BEND6: variants seen among roughly 807,000 people sequenced by gnomAD.
BEND6 encodes BEN domain-containing protein 6.
A neutral mutation model predicts 31.8 loss-of-function variants in BEND6; 24 were observed. That is an observed-to-expected ratio of 0.75 (90% CI 0.55 to 1.06). The LOEUF is 1.06. Among genes scored for constraint, BEND6 ranks in the 50% least tolerant of loss-of-function variants. The probability of loss-of-function intolerance (pLI) is 0.00; values close to 1 mark genes in which losing one functional copy is unlikely to be tolerated. For missense variants in BEND6, 294 were observed against 327.4 expected, an observed-to-expected ratio of 0.90 and a Z score of 0.79; for synonymous variants, 109 against 114.6, an observed-to-expected ratio of 0.95 and a Z score of 0.31.
At chr6:57,013,540 TC>T (rs1173510498) in intron 3 of BEND6, among the ~76,000 whole-genome samples, 1 of 152,194 alleles carries the variant, frequency 6.6e-6, no homozygotes, top group Non-Finnish European at 1.5e-5. Context: ...GGTTGGTCTT[TC>T]TGGATTTCAA....
At chr6:56,975,828 C>T (rs1429848576) in intron 1 of BEND6, 3 of 532,030 alleles carry the variant, frequency 5.6e-6, no homozygotes, top group East Asian at 1.0e-4. Flanking sequence ...ACTCTGTAGG[C>T]CAAGAAAGCT....
At chr6:57,011,580 C>T (rs975533716) in intron 3 of BEND6, among the ~76,000 whole-genome samples, 1 of 151,008 alleles carries the variant, frequency 6.6e-6, no homozygotes, top group Non-Finnish European at 1.5e-5. Flanking sequence ...TAGCCGGGCA[C>T]AGTGGTGCAC....
In BEND6 at chr6:57,022,020, T is replaced by C. The variant is rs114067147; in HGVS notation, c.*9+3463T>C. ...GTTTGCTAGTATTTTGTTGAAGATT[T>C]TTGTATCTGGCTCATCAGTGATGCT... On this transcript the variant is annotated intron_variant, in intron 6 of 6. Transcript: ENST00000370746. Among the ~76,000 whole-genome samples the C allele has an allele frequency of 1.6e-3, 250 of 152,294 alleles. 1 individual carries two copies. Among genetic ancestry groups the C allele is most frequent in the Non-Finnish European group, 2.8e-3 (191 of 68,024 alleles).
chr6:57,010,161 A>G (rs942340944), intron 3 of BEND6: 21 of 152,344 alleles, frequency 1.4e-4, no homozygotes, highest in African/African-American at 4.8e-4. Context: ...TCTAACTACC[A>G]ATCTACATCA....
At chr6:56,995,904 C>T (rs1826691367) in intron 3 of BEND6, among the ~76,000 whole-genome samples, 1 of 152,150 alleles carries the variant, frequency 6.6e-6, no homozygotes, top group South Asian at 2.1e-4. Context: ...ATCTTAAGTG[C>T]CCTGTTACCA....
chr6:57,022,234 C>G (rs1310887903), intron 6 of BEND6, among the ~76,000 whole-genome samples: 1 of 127,590 alleles, frequency 7.8e-6, no homozygotes, highest in Non-Finnish European at 1.6e-5. Flanking sequence ...TTTGTAGATT[C>G]AGGGGTAAAG....
chr6:56,970,694 C>T (rs1329578938), intron 1 of BEND6, among the ~76,000 whole-genome samples: 1 of 152,038 alleles, frequency 6.6e-6, no homozygotes, highest in Non-Finnish European at 1.5e-5. Context: ...TGCTAATTGG[C>T]AGCTAATATA....
intron 2 of BEND6, among the ~76,000 whole-genome samples, chr6:56,984,795 A>C (rs886090808): frequency 6.6e-6 from 1 of 152,214 alleles, no homozygotes; most frequent in East Asian, 1.9e-4. Context: ...GCTTGAAGGA[A>C]ACACCCTGCA....
intron 6 of BEND6, among the ~76,000 whole-genome samples, chr6:57,018,875 C>G (rs1456414963): frequency 6.6e-6 from 1 of 152,116 alleles, no homozygotes; most frequent in African/African-American, 2.4e-5. Context: ...GAAATTTTTT[C>G]ACAGAATCCT....
intron 1 of BEND6, among the ~76,000 whole-genome samples, chr6:56,956,005 G>A (rs1592951534): frequency 6.6e-6 from 1 of 152,344 alleles, no homozygotes; most frequent in African/African-American, 2.4e-5. Context: ...TTCTGCGGAC[G>A]GCCACGGCCA....
chr6:56,972,707 C>T (rs1202644951), intron 1 of BEND6, among the ~76,000 whole-genome samples: 1 of 152,120 alleles, frequency 6.6e-6, no homozygotes, highest in Non-Finnish European at 1.5e-5. Context: ...AAACTGACAC[C>T]CCATTTTCCA....
At chr6:57,007,456 C>T (rs945999191) in intron 3 of BEND6, among the ~76,000 whole-genome samples, 2 of 152,068 alleles carry the variant, frequency 1.3e-5, no homozygotes, top group African/African-American at 4.8e-5. Flanking sequence ...GGGAAACACT[C>T]CAGGACATTG....
At chr6:57,008,900 A>G (rs1827254785) in intron 3 of BEND6, 1 of 152,240 alleles carries the variant, frequency 6.6e-6, no homozygotes, top group African/African-American at 2.4e-5. Flanking sequence ...CCAACAACAG[A>G]TGAATAGATA....
In BEND6 at chr6:56,992,512, G is replaced by T. The variant is rs1045833040; in HGVS notation, c.255G>T (p.Arg85=). The T allele has an allele frequency of 1.2e-6, 2 of 1,613,730 alleles. No homozygotes were observed. Among genetic ancestry groups the T allele is most frequent in the Non-Finnish European group, 1.7e-6 (2 of 1,179,956 alleles). ...KSLKEKLTNT[R]KENSRLRQSL... ...TGAAAGAAAAACTAACAAACACCCG[G>T]AAAGAAAACAGCCGACTTCGACAGT... Residue 85 remains arginine, a synonymous_variant, in exon 3 of 7, where the codon CGG becomes CGT. Transcript: ENST00000370746.
At chr6:56,955,549 G>A (rs557400257) in intron 1 of BEND6, 89 bp downstream of exon 1, 1 of 152,234 alleles carries the variant, frequency 6.6e-6, no homozygotes, top group African/African-American at 2.4e-5. Flanking sequence ...CTCCAGGAAC[G>A]GGAGGCCCAC....
intron 4 of BEND6, 101 bp downstream of exon 4, chr6:57,015,454 A>T: frequency 8.9e-7 from 1 of 1,127,238 alleles, no homozygotes. Flanking sequence ...TAACTATTGG[A>T]TAAAATAGTT....
At chr6:56,969,073 C>T (rs1484437575) in intron 1 of BEND6, among the ~76,000 whole-genome samples, 1 of 130,474 alleles carries the variant, frequency 7.7e-6, no homozygotes, top group Non-Finnish European at 1.6e-5. Flanking sequence ...GACTCTGTCT[C>T]AAAAAAAAAA....
At chr6:56,991,732 A>G (rs1414200998) in intron 2 of BEND6, among the ~76,000 whole-genome samples, 1 of 152,148 alleles carries the variant, frequency 6.6e-6, no homozygotes, top group Non-Finnish European at 1.5e-5. Context: ...CATATAAAAA[A>G]TGTATAGCTT....
At chr6:57,016,321 CATT>C (rs1827558680) in intron 4 of BEND6, among the ~76,000 whole-genome samples, 1 of 152,268 alleles carries the variant, frequency 6.6e-6, no homozygotes, top group African/African-American at 2.4e-5. Flanking sequence ...CTATATAACA[CATT>C]ATCACAAATT....
Sources: gnomAD v4.1 joint callset for allele counts (sites outside exome capture counted in the v4.1 genomes callset) on GRCh38, gnomAD v4.1.1 for gene constraint, MANE v1.5 for transcripts, NCBI Gene and HGNC (gene_info 2026-07-23, HGNC 2026-07-21) for gene names.